Variants in WNT2 observed in about 807,000 individuals in gnomAD.
WNT2 encodes the protein protein Wnt-2.
In WNT2, 12 loss-of-function variants were observed where a neutral mutation model predicts 36.9. The observed-to-expected ratio is 0.33, with a 90% CI of 0.21 to 0.53. The LOEUF (loss-of-function observed/expected upper bound fraction) is 0.53, where lower values mean the gene tolerates loss of function less well. Among genes scored for constraint, WNT2 ranks in the 20% least tolerant of loss-of-function variants. The pLI is 0.95. For synonymous variants in WNT2, 163 were observed against 174.6 expected (o/e 0.93, Z 0.52); for missense variants, 379 against 473.1 (o/e 0.80, Z 1.84).
At chr7:117,294,055 C>T (rs1794741806) in intron 4 of WNT2, among the ~76,000 whole-genome samples, 2 of 152,158 alleles carry the variant, frequency 1.3e-5, no homozygotes, top group South Asian at 4.1e-4. Context: ...GATAAAACCT[C>T]AACTTTATTT....
At chr7:117,300,301 C>T (rs977685691) in intron 3 of WNT2, among the ~76,000 whole-genome samples, 2 of 152,214 alleles carry the variant, frequency 1.3e-5, no homozygotes, top group African/African-American at 4.8e-5. Flanking sequence ...ATTCTACTGC[C>T]TCAGCCTCCC....
intron 3 of WNT2, among the ~76,000 whole-genome samples, chr7:117,299,490 CTTTCTT>C (rs1245181002): frequency 6.8e-6 from 1 of 146,340 alleles, no homozygotes; most frequent in Admixed American, 7.0e-5. Flanking sequence ...TTCTTTCTTT[CTTTCTT>C]TTTTTTTTTT....
chr7:117,317,542 A>G (rs891035332), intron 2 of WNT2, among the ~76,000 whole-genome samples: 1 of 152,214 alleles, frequency 6.6e-6, no homozygotes, highest in Non-Finnish European at 1.5e-5. Flanking sequence ...TTACGTGTTT[A>G]GATGAATCAC....
intron 4 of WNT2, among the ~76,000 whole-genome samples, chr7:117,287,762 C>A (rs763306026): frequency 1.6e-4 from 25 of 152,036 alleles, no homozygotes; most frequent in Non-Finnish European, 3.5e-4. Flanking sequence ...TCAAGGTGGG[C>A]AGATCACTTG....
chr7:117,320,875 T>G, intron 1 of WNT2, 82 bp from the exon 2 acceptor site: 4 of 1,183,226 alleles, frequency 3.4e-6, no homozygotes, highest in Non-Finnish European at 3.6e-6. Context: ...ACTAAGGAGT[T>G]CAAAGCACTT....
intron 3 of WNT2, among the ~76,000 whole-genome samples, chr7:117,301,467 T>C (rs937792366): frequency 1.3e-5 from 2 of 152,204 alleles, no homozygotes; most frequent in East Asian, 3.8e-4. Flanking sequence ...AACTCCAGTA[T>C]TCAAATGTTA....
At chr7:117,310,609 G>A (rs75731433) in intron 3 of WNT2, among the ~76,000 whole-genome samples, 1 of 147,768 alleles carries the variant, frequency 6.8e-6, no homozygotes, top group African/African-American at 2.5e-5. Context: ...AAAAAAAAGG[G>A]CTCTCCAGAT....
At chr7:117,316,732 A>C (rs1026297971) in intron 2 of WNT2, among the ~76,000 whole-genome samples, 2 of 152,184 alleles carry the variant, frequency 1.3e-5, no homozygotes, top group Admixed American at 1.3e-4. Flanking sequence ...TCTAACCATC[A>C]AAAAAGGAAT....
intron 4 of WNT2, among the ~76,000 whole-genome samples, chr7:117,297,020 T>C (rs1216991279): frequency 6.6e-6 from 1 of 152,220 alleles, no homozygotes; most frequent in Admixed American, 6.5e-5. Flanking sequence ...TAATGTATCC[T>C]GCTCTCAGCT....
rs550377034 is a variant in WNT2, at chr7:117,278,404, G to A, written c.854-20C>T. 2 of 1,604,724 alleles carry A rather than the reference G, an allele frequency of 1.2e-6. No homozygotes were observed. The highest frequency in any genetic ancestry group is 1.7e-5 in the Admixed American group (1 of 58,790). On this transcript the variant is annotated intron_variant, in intron 4 of 4. Transcript: ENST00000265441. The stretch of plus-strand genomic sequence containing the variant: ...GGGAGCCTGGAAGACAAGCCAGGGA[G>A]TGTTACTGAAAAGGTCTGGGTGGAA...
intron 2 of WNT2, among the ~76,000 whole-genome samples, chr7:117,317,930 T>C (rs1342943669): frequency 1.3e-5 from 2 of 152,212 alleles, no homozygotes; most frequent in Non-Finnish European, 2.9e-5. Context: ...TACCTTTGTG[T>C]TTTCTAAGGC....
rs1054822201 is a variant in WNT2, at chr7:117,322,648, A to G, written c.83+259T>C. ...AAATTGGCTGATTTTGCTGTCGCTC[A>G]GCTGGATCCAAATAAACCAAACATC... On this transcript the variant is annotated intron_variant, in intron 1 of 4. Transcript: ENST00000265441. This position sits in a 1 kb window ranked among gnomAD's most constrained non-coding sequence, Gnocchi z 5.4. Among the ~76,000 whole-genome samples, 4 of 152,028 alleles carry G rather than the reference A, an allele frequency of 2.6e-5. No individual in the cohort carries two copies. Among genetic ancestry groups the G allele is most frequent in the East Asian group, 3.9e-4 (2 of 5,164 alleles).
intron 1 of WNT2, among the ~76,000 whole-genome samples, chr7:117,321,692 A>AT (rs751357842): frequency 4.6e-5 from 7 of 152,092 alleles, no homozygotes; most frequent in Non-Finnish European, 1.0e-4. Flanking sequence ...CAAAAAATAT[A>AT]TTTAAGTGAC....
At chr7:117,296,202 A>G (rs1198239189) in intron 4 of WNT2, among the ~76,000 whole-genome samples, 1 of 152,180 alleles carries the variant, frequency 6.6e-6, no homozygotes. Flanking sequence ...CTTTGGCCTG[A>G]CAGGTAGGAT....
chr7:117,293,395 C>A lies in WNT2; in HGVS notation c.853+4217G>T, dbSNP rs556058761. 2.0e-5 allele frequency among the ~76,000 whole-genome samples: 3 copies of A among 152,142 alleles called. 1 individual carries two copies. Among genetic ancestry groups the A allele is most frequent in the East Asian group, 1.9e-4 (1 of 5,166 alleles). Reference sequence around the variant, plus strand: ...TCAACCTGCTCACCACCATCGCTTCCCCAGTGCTGGCAAGTAGAAGGCGCC... The same window carrying A: ...TCAACCTGCTCACCACCATCGCTTCACCAGTGCTGGCAAGTAGAAGGCGCC... On this transcript the variant is annotated intron_variant, in intron 4 of 4. Coordinates refer to ENST00000265441, the MANE Select transcript of WNT2 (RefSeq NM_003391.3).
intron 4 of WNT2, among the ~76,000 whole-genome samples, chr7:117,281,272 C>G (rs1436038506): frequency 6.6e-6 from 1 of 152,200 alleles, no homozygotes. Context: ...GGGTCTCACT[C>G]TGTCACCCAG....
intron 3 of WNT2, 70 bp from the exon 4 acceptor site, chr7:117,297,946 TC>T: frequency 6.6e-7 from 1 of 1,518,932 alleles, no homozygotes; most frequent in Non-Finnish European, 8.9e-7. Flanking sequence ...TCTCCTTACC[TC>T]CCAGCAATCC....
At chr7:117,289,649 A>G (rs1469700927) in intron 4 of WNT2, among the ~76,000 whole-genome samples, 4 of 152,238 alleles carry the variant, frequency 2.6e-5, no homozygotes, top group African/African-American at 9.6e-5. Context: ...TTTGCCATTC[A>G]ATTCACTTCA....
intron 4 of WNT2, among the ~76,000 whole-genome samples, chr7:117,291,141 G>C (rs764194534): frequency 2.0e-4 from 30 of 152,164 alleles, no homozygotes; most frequent in Non-Finnish European, 4.1e-4. Flanking sequence ...TCTGAGTTCT[G>C]TTTGCCAAAT....
Sources: gnomAD v4.1 joint callset for allele counts (sites outside exome capture counted in the v4.1 genomes callset) on GRCh38, gnomAD v4.1.1 for gene constraint, Gnocchi (gnomAD v3.1) non-coding constraint, MANE v1.5 for transcripts, NCBI Gene and HGNC (gene_info 2026-07-23, HGNC 2026-07-21) for gene names.